The following TNKS2 variants were observed in gnomAD, a reference collection of about 807,000 sequenced individuals.
The protein encoded by TNKS2 is poly [ADP-ribose] polymerase tankyrase-2.
A neutral mutation model predicts 137.6 loss-of-function variants in TNKS2; 72 were observed. That is an observed-to-expected ratio of 0.52 (90% confidence interval 0.43 to 0.64). TNKS2 has a LOEUF of 0.64. TNKS2 is among the 30% of genes least tolerant of loss of function. The pLI, the probability that TNKS2 is intolerant of heterozygous loss-of-function variation, is 0.00. For synonymous variants in TNKS2, 516 were observed against 512.1 expected (o/e 1.01, Z -0.10); for missense variants, 1,049 against 1,410.2 (o/e 0.74, Z 4.10).
chr10:91,842,203 A>T lies in TNKS2; in HGVS notation c.1871A>T (p.Asp624Val). 6.2e-7 allele frequency: 1 copy of T among 1,613,398 alleles called. No individual in the cohort carries two copies. Among genetic ancestry groups the T allele is most frequent in the Non-Finnish European group, 8.5e-7 (1 of 1,179,744 alleles). Residue 624 changes from aspartate (D) to valine (V), a missense_variant, in exon 16 of 27, where the codon GAT becomes GTT. Asp to Val is a radical substitution (Grantham distance 152, BLOSUM62 -3). This residue lies in a region of TNKS2 where 328 missense variants were observed against 436.0 expected (regional missense o/e 0.75). Transcript: ENST00000371627. ...GCAGACCCTACAAAAAAAAACAGGG[A>T]TGGAAATACTCCTTTGGATCTTGTT... ...HGADPTKKNR[D>V]GNTPLDLVKD...
rs1842207488 is a variant in TNKS2 at position 91,841,421 on chromosome 10, A to G, written c.1812A>G (p.Lys604=). 1.3e-5 allele frequency: 21 copies of G among 1,608,462 alleles called. No individual in the cohort carries two copies. Among genetic ancestry groups the G allele is most frequent in the Non-Finnish European group, 1.6e-5 (19 of 1,177,870 alleles). Residue 604 remains lysine, a synonymous_variant, in exon 15 of 27, where the codon AAA becomes AAG. Coordinates refer to ENST00000371627, the MANE Select transcript of TNKS2 (RefSeq NM_025235.4). ...TACATGAAGCAGCAGCAAAAGGAAA[A>G]TATGAAATTTGCAAACTTCTGCTCC... ...TPLHEAAAKG[K]YEICKLLLQH...
intron 11 of TNKS2, among the ~76,000 whole-genome samples, chr10:91,833,560 C>A (rs188297138): frequency 6.6e-6 from 1 of 152,162 alleles, no homozygotes; most frequent in Non-Finnish European, 1.5e-5. Flanking sequence ...TAGATGAGTT[C>A]AACTTTCTTA....
At chr10:91,835,016 G>A (rs1841953743) in intron 12 of TNKS2, among the ~76,000 whole-genome samples, 1 of 152,068 alleles carries the variant, frequency 6.6e-6, no homozygotes, top group East Asian at 1.9e-4. Flanking sequence ...CTGGTATTTA[G>A]CATTTTACAG....
At chr10:91,813,719 G>A (rs542567902) in intron 2 of TNKS2, among the ~76,000 whole-genome samples, 4 of 152,288 alleles carry the variant, frequency 2.6e-5, no homozygotes, top group Middle Eastern at 6.8e-3. Context: ...ACTGTGATAA[G>A]AGTACATAGT....
chr10:91,849,616 T>A, intron 20 of TNKS2, 22 bp downstream of exon 20: 1 of 1,560,970 alleles, frequency 6.4e-7, no homozygotes, highest in South Asian at 1.2e-5. Flanking sequence ...AATCATATTG[T>A]TTGGATTAGT....
At chr10:91,829,179 G>T (rs1367309117) in intron 9 of TNKS2, among the ~76,000 whole-genome samples, 3 of 151,982 alleles carry the variant, frequency 2.0e-5, no homozygotes, top group Non-Finnish European at 4.4e-5. Context: ...TCTTTTATGA[G>T]AAGTTTTTTG....
chr10:91,836,532 A>G (rs1842023217), intron 12 of TNKS2: 2 of 645,414 alleles, frequency 3.1e-6, no homozygotes, highest in East Asian at 1.4e-4. Flanking sequence ...GACTTGTTCC[A>G]GTTCAGATAG....
intron 3 of TNKS2, 53 bp from the exon 4 acceptor site, chr10:91,819,217 C>A: frequency 9.1e-7 from 1 of 1,103,750 alleles, no homozygotes; most frequent in Non-Finnish European, 1.3e-6. Context: ...TTGCATAAAA[C>A]TCATTAATTT....
At chr10:91,854,944 C>T in intron 21 of TNKS2, 85 bp from the exon 22 acceptor site, 6 of 584,284 alleles carry the variant, frequency 1.0e-5, no homozygotes, top group South Asian at 2.3e-5. Flanking sequence ...TAGTAAGAAT[C>T]AGAAAAATTA....
In TNKS2 at chr10:91,822,438, T is replaced by C. The variant is rs922221194; in HGVS notation, c.795+76T>C. The C allele has an allele frequency of 6.6e-6, 8 of 1,206,186 alleles. No homozygotes were observed. The African/African-American group carries it at 1.1e-4, about 16-fold the overall frequency. 74.7% of individuals were successfully genotyped at this position (1,206,186 alleles called of 1,614,324 possible). ...CTTGAAATACATTAGTATGTCTGGG[T>C]TTCTTTTTATTTTCTGTGTTCTTAG... is the stretch of plus-strand genomic sequence containing the variant. On this transcript the variant is annotated intron_variant, in intron 7 of 26. Coordinates refer to ENST00000371627, the MANE Select transcript of TNKS2 (RefSeq NM_025235.4).
At chr10:91,841,241 CAT>C (rs1337050340) in intron 14 of TNKS2, 40 bp from the exon 15 acceptor site, 3 of 1,430,334 alleles carry the variant, frequency 2.1e-6, no homozygotes, top group East Asian at 2.5e-5. Context: ...TAAATTAAAA[CAT>C]GTTCTTCTGT....
intron 19 of TNKS2, 119 bp from the exon 20 acceptor site, chr10:91,849,393 G>A (rs1842476111): frequency 4.3e-6 from 3 of 698,262 alleles, no homozygotes; most frequent in Non-Finnish European, 4.6e-6. Context: ...TATATCCTAA[G>A]TGGCTATTAA....
chr10:91,845,099 G>T, intron 17 of TNKS2, 71 bp downstream of exon 17: 1 of 953,384 alleles, frequency 1.0e-6, no homozygotes, highest in Admixed American at 2.2e-5. Flanking sequence ...CAGCTCAAAT[G>T]GAATGTAGTT....
At chr10:91,855,196 T>G in intron 22 of TNKS2, 70 bp downstream of exon 22, 1 of 967,240 alleles carries the variant, frequency 1.0e-6, no homozygotes, top group Non-Finnish European at 1.6e-6. Context: ...TCTTGTTTCT[T>G]TTTCTTCCTT....
chr10:91,807,403 C>G, intron 1 of TNKS2: 1 of 1,614,080 alleles, frequency 6.2e-7, no homozygotes, highest in Non-Finnish European at 8.5e-7. Flanking sequence ...TTCTCGGCAG[C>G]GCGGCTGAAC....
At chr10:91,843,545 T>G (rs1842277208) in intron 16 of TNKS2, among the ~76,000 whole-genome samples, 1 of 152,178 alleles carries the variant, frequency 6.6e-6, no homozygotes, top group Non-Finnish European at 1.5e-5. Flanking sequence ...GACATTTGTT[T>G]TAAGGTTTCA....
chr10:91,827,180 C>T lies in TNKS2; in HGVS notation c.959C>T (p.Pro320Leu). 6.4e-7 allele frequency: 1 copy of T among 1,563,622 alleles called. No homozygotes were observed. Among genetic ancestry groups the T allele is most frequent in the Non-Finnish European group, 8.7e-7 (1 of 1,153,250 alleles). Residue 320 changes from proline (P) to leucine (L), a missense_variant, in exon 8 of 27, where the codon CCA (proline) becomes CTA (leucine). Coordinates refer to ENST00000371627, the MANE Select transcript of TNKS2 (RefSeq NM_025235.4). ...AGTGCTATAGACTTGGCTCCCACAC[C>T]ACAGTTAAAAGAAAGATTAGCATGT... ...NKSAIDLAPT[P>L]QLKERLAYEF...
At chr10:91,839,429 G>A (rs1842142931) in intron 13 of TNKS2, among the ~76,000 whole-genome samples, 1 of 151,374 alleles carries the variant, frequency 6.6e-6, no homozygotes, top group Admixed American at 6.6e-5. Flanking sequence ...TGCAACGTCT[G>A]CCTCCCAGGT....
intron 21 of TNKS2, among the ~76,000 whole-genome samples, chr10:91,854,289 A>G (rs1842639656): frequency 6.6e-6 from 1 of 152,220 alleles, no homozygotes; most frequent in Non-Finnish European, 1.5e-5. Context: ...ATGTGTTACA[A>G]ACTCATTAAG....
Sources: allele counts gnomAD v4.1 joint callset (sites outside exome capture counted in the v4.1 genomes callset), GRCh38; gene constraint gnomAD v4.1.1; regional missense constraint gnomAD v4.1.1; transcripts MANE v1.5; gene names NCBI Gene and HGNC (gene_info 2026-07-23, HGNC 2026-07-21).